Variants in KCNK2 observed in about 807,000 individuals in gnomAD.
The protein encoded by KCNK2 is potassium two pore domain channel subfamily K member 2.
In KCNK2, 21 loss-of-function variants were observed where a neutral mutation model predicts 40.5. The ratio of observed to expected loss-of-function variants is 0.52; its 90% confidence interval spans 0.37 to 0.75. The LOEUF (loss-of-function observed/expected upper bound fraction) is 0.75, where lower values mean the gene tolerates loss of function less well. KCNK2 is among the 30% of genes least tolerant of loss of function. The pLI is 0.00. For synonymous variants in KCNK2, 191 were observed against 202.2 expected (o/e 0.94, Z 0.47); for missense variants, 399 against 531.6 (o/e 0.75, Z 2.45).
chr1:215,033,574 C>A (rs1466439568), intron 1 of KCNK2, among the ~76,000 whole-genome samples: 4 of 152,038 alleles, frequency 2.6e-5, no homozygotes, highest in Non-Finnish European at 1.5e-5. Context: ...TTTTAGCGAG[C>A]CTGTGCTTCC....
At chr1:215,193,776 C>G (rs1664758841) in intron 5 of KCNK2, among the ~76,000 whole-genome samples, 1 of 152,184 alleles carries the variant, frequency 6.6e-6, no homozygotes, top group Non-Finnish European at 1.5e-5. Flanking sequence ...CAAATCTTTA[C>G]AATCTGATAC....
At chr1:215,032,121 T>A (rs1266339026) in intron 1 of KCNK2, among the ~76,000 whole-genome samples, 13 of 150,984 alleles carry the variant, frequency 8.6e-5, no homozygotes, top group African/African-American at 2.9e-4. Flanking sequence ...TTTTTTTTTT[T>A]AGAAGGGCAG....
chr1:215,093,173 A>C (rs868151145), intron 2 of KCNK2, among the ~76,000 whole-genome samples: 35 of 151,950 alleles, frequency 2.3e-4, no homozygotes, highest in Admixed American at 3.3e-4. Context: ...TTCCAGGAGC[A>C]CTTCAACATG....
chr1:215,011,136 C>G (rs1656370643), intron 1 of KCNK2, among the ~76,000 whole-genome samples: 1 of 151,838 alleles, frequency 6.6e-6, no homozygotes, highest in Admixed American at 6.6e-5. Flanking sequence ...TAGAACGGTC[C>G]TTCACCCCAA....
At chr1:215,215,805 G>C (rs1441158075) in intron 6 of KCNK2, among the ~76,000 whole-genome samples, 1 of 152,146 alleles carries the variant, frequency 6.6e-6, no homozygotes, top group Non-Finnish European at 1.5e-5. Context: ...TGGGGAGACA[G>C]GCCCACGGCA....
intron 1 of KCNK2, among the ~76,000 whole-genome samples, chr1:215,014,918 G>C (rs940459927): frequency 3.3e-5 from 5 of 152,134 alleles, no homozygotes; most frequent in Non-Finnish European, 7.4e-5. Flanking sequence ...ATATTATGAT[G>C]TCAAATATAA....
At chr1:215,209,424 T>TATATATTATATAAA (rs1478392800) in intron 6 of KCNK2, among the ~76,000 whole-genome samples, 1 of 54,886 alleles carries the variant, frequency 1.8e-5, no homozygotes, top group African/African-American at 8.9e-5. Flanking sequence ...TTATATATAA[T>TATATATTATATAAA]ATATATAATA....
intron 2 of KCNK2, among the ~76,000 whole-genome samples, chr1:215,095,041 G>T (rs1659918092): frequency 6.6e-6 from 1 of 152,064 alleles, no homozygotes; most frequent in Admixed American, 6.6e-5. Context: ...GACCAATGTA[G>T]ATCTGTCAAT....
intron 5 of KCNK2, among the ~76,000 whole-genome samples, chr1:215,180,074 GTCT>G (rs1664162353): frequency 6.6e-6 from 1 of 152,166 alleles, no homozygotes; most frequent in Non-Finnish European, 1.5e-5. Flanking sequence ...GGATAGTTAA[GTCT>G]TCTTGTTGAA....
rs934153037 is a variant in KCNK2 at position 215,189,667 on chromosome 1, G to A, written c.824-5286G>A. ...GGCATATGAAAAGTTTAGTTTAGTA[G>A]GTAAGCTGTTGTTTAATACTGAAGT... is the stretch of plus-strand genomic sequence containing the variant. On this transcript the variant is annotated intron_variant, in intron 5 of 6. Coordinates refer to ENST00000444842, the MANE Select transcript of KCNK2 (RefSeq NM_001017425.3). 3.9e-5 allele frequency among the ~76,000 whole-genome samples: 6 copies of A among 152,036 alleles called. No individual in the cohort carries two copies. In the East Asian group the frequency reaches 9.6e-4, roughly 24 times the overall value.
At chr1:215,101,115 C>T (rs1009569285) in intron 2 of KCNK2, among the ~76,000 whole-genome samples, 3 of 151,994 alleles carry the variant, frequency 2.0e-5, no homozygotes, top group Non-Finnish European at 4.4e-5. Flanking sequence ...TTCTGTGTTT[C>T]TGTTTTTGAA....
chr1:215,196,213 A>G (rs1328699068), intron 6 of KCNK2, among the ~76,000 whole-genome samples: 2 of 151,880 alleles, frequency 1.3e-5, no homozygotes, highest in African/African-American at 4.8e-5. Flanking sequence ...CCTCCCGAGT[A>G]TCTGGGACTA....
In KCNK2 at chr1:215,086,427, T is replaced by C; in HGVS notation, c.106T>C (p.Ser36Pro). 1 of 1,614,176 alleles carries C rather than the reference T, an allele frequency of 6.2e-7. No individual in the cohort carries two copies. The highest frequency in any genetic ancestry group is 1.1e-5 in the South Asian group (1 of 91,086). The change falls in exon 2 of 7, where the codon TCG (serine) becomes CCG (proline). Residue 36 changes from serine to proline, a missense_variant. Coordinates refer to ENST00000444842, the MANE Select transcript of KCNK2 (RefSeq NM_001017425.3). ...CGCTCAGAACTCCAAACCGAGGCTC[T>C]CGTTTTCCACGAAACCCACAGTGCT... ...SAAQNSKPRL[S>P]FSTKPTVLAS...
At chr1:215,065,964 A>G (rs1658523597) in intron 1 of KCNK2, among the ~76,000 whole-genome samples, 1 of 152,110 alleles carries the variant, frequency 6.6e-6, no homozygotes, top group Non-Finnish European at 1.5e-5. Context: ...GACTGTCTCT[A>G]AAAAAATTGA....
At chr1:215,200,660 G>A (rs966638637) in intron 6 of KCNK2, among the ~76,000 whole-genome samples, 6 of 152,268 alleles carry the variant, frequency 3.9e-5, no homozygotes, top group Non-Finnish European at 8.8e-5. Context: ...GAGAGTTATT[G>A]CAAGTATCCA....
At chr1:215,216,422 T>TAC (rs10693058) in intron 6 of KCNK2, among the ~76,000 whole-genome samples, 1 of 130,138 alleles carries the variant, frequency 7.7e-6, no homozygotes, top group East Asian at 2.0e-4. Flanking sequence ...GTATATTATA[T>TAC]GTTATAATAT....
At position 215,083,203 on chromosome 1, in the gene KCNK2, C is replaced by CCCCCCA; in HGVS notation, c.-183_-182insCCCCCA. The CCCCCCA allele has an allele frequency of 1.2e-6, 1 of 804,900 alleles. No individual in the cohort carries two copies. The highest frequency in any genetic ancestry group is 1.9e-6 in the Non-Finnish European group (1 of 524,292). The allele number at this position is 804,900 out of a possible 1,614,324, so 49.9% of individuals were successfully genotyped here. On this transcript the variant is annotated 5_prime_UTR_variant, in exon 1 of 7. Transcript: ENST00000444842. ...TCGTTTCTTCTCACGCTCCCCCCCC[C>CCCCCCA]GCCCCCTCCCGCGTCCAGCCCCGCT...
intron 3 of KCNK2, among the ~76,000 whole-genome samples, chr1:215,160,089 A>G (rs1276342739): frequency 6.6e-6 from 1 of 152,230 alleles, no homozygotes; most frequent in East Asian, 1.9e-4. Flanking sequence ...GTTAAATACA[A>G]TGTATAATCT....
At chr1:215,049,157 T>G (rs968686920) in intron 1 of KCNK2, among the ~76,000 whole-genome samples, 2 of 152,190 alleles carry the variant, frequency 1.3e-5, no homozygotes, top group African/African-American at 2.4e-5. Flanking sequence ...CATTTGATAT[T>G]GTCACTAAGT....
Sources: allele counts gnomAD v4.1 joint callset (sites outside exome capture counted in the v4.1 genomes callset), GRCh38; gene constraint gnomAD v4.1.1; transcripts MANE v1.5; gene names NCBI Gene and HGNC (gene_info 2026-07-23, HGNC 2026-07-21).